ST18: variants seen among roughly 807,000 people sequenced by gnomAD.
The protein encoded by ST18 is ST18 C2H2C-type zinc finger transcription factor, also known as suppression of tumorigenicity 18 protein.
Under a neutral mutation model 110.0 loss-of-function variants are expected in ST18, and 50 were observed. That is an observed-to-expected ratio of 0.45 (90% CI 0.36 to 0.58). ST18 has a LOEUF of 0.58. Ranked by LOEUF, ST18 falls within the 20% of genes least tolerant of loss-of-function variation. The probability of loss-of-function intolerance (pLI) is 0.00; values close to 1 mark genes in which losing one functional copy is unlikely to be tolerated. For synonymous variants in ST18, 461 were observed against 452.4 expected (o/e 1.02, Z -0.24); for missense variants, 1,306 against 1,280.1 (o/e 1.02, Z -0.31).
At chr8:52,202,056 T>G (rs1588346706) in intron 8 of ST18, among the ~76,000 whole-genome samples, 1 of 152,308 alleles carries the variant, frequency 6.6e-6, no homozygotes, top group East Asian at 1.9e-4. Context: ...GCCTTGGTTT[T>G]AAAGGGGCCA....
intron 2 of ST18, among the ~76,000 whole-genome samples, chr8:52,355,487 A>G (rs886332296): frequency 6.6e-6 from 1 of 152,226 alleles, no homozygotes; most frequent in Non-Finnish European, 1.5e-5. Flanking sequence ...AAAGATTACT[A>G]AAAAAGGAGA....
intron 2 of ST18, among the ~76,000 whole-genome samples, chr8:52,319,604 C>T (rs1461048626): frequency 1.3e-5 from 2 of 152,106 alleles, no homozygotes; most frequent in East Asian, 3.9e-4. Flanking sequence ...GTTACTAGTG[C>T]TGTGTGGCAA....
At chr8:52,297,787 C>T (rs927028906) in intron 2 of ST18, among the ~76,000 whole-genome samples, 7 of 152,036 alleles carry the variant, frequency 4.6e-5, no homozygotes, top group African/African-American at 9.7e-5. Context: ...AAGTCACATA[C>T]GAAGAAAGCC....
chr8:52,282,074 G>A (rs1024669428), intron 2 of ST18, among the ~76,000 whole-genome samples: 1 of 152,116 alleles, frequency 6.6e-6, no homozygotes, highest in Non-Finnish European at 1.5e-5. Flanking sequence ...TAAGCTCTCT[G>A]GAACTTCTTT....
chr8:52,348,745 C>G (rs1466533093), intron 2 of ST18, among the ~76,000 whole-genome samples: 1 of 151,464 alleles, frequency 6.6e-6, no homozygotes, highest in Non-Finnish European at 1.5e-5. Flanking sequence ...AACTCCACCT[C>G]AAAAAAAATT....
chr8:52,207,569 C>A (rs2080542503), intron 8 of ST18, among the ~76,000 whole-genome samples: 1 of 152,078 alleles, frequency 6.6e-6, no homozygotes, highest in Admixed American at 6.6e-5. Flanking sequence ...CATTTTAAAA[C>A]TTACAGGAAA....
In ST18 at chr8:52,191,451, T is replaced by C. The variant is rs114243854; in HGVS notation, c.87-11139A>G. ...TGAGATGGAAGGTCCAAAATTCGGC[T>C]GAAACAAGTCTAGTGGGAACAAGCA... On this transcript the variant is annotated intron_variant, in intron 8 of 25. Coordinates refer to ENST00000689386, the MANE Select transcript of ST18 (RefSeq NM_001352837.2). Among the ~76,000 whole-genome samples the C allele has an allele frequency of 5.5e-3, 840 of 152,200 alleles. 8 individuals are homozygous for C. Among genetic ancestry groups the C allele is most frequent in the African/African-American group, 0.02 (820 of 41,506 alleles).
intron 15 of ST18, 44 bp downstream of exon 15, chr8:52,158,854 A>G: frequency 6.2e-7 from 1 of 1,606,072 alleles, no homozygotes; most frequent in South Asian, 1.1e-5. Context: ...TTATTCTCAC[A>G]GTTCAGTCGC....
chr8:52,251,718 A>G (rs1299902973), intron 2 of ST18, among the ~76,000 whole-genome samples: 1 of 152,062 alleles, frequency 6.6e-6, no homozygotes, highest in Non-Finnish European at 1.5e-5. Context: ...CCTTTTTTCC[A>G]AATGAATTAA....
At chr8:52,353,348 T>C (rs1821232026) in intron 2 of ST18, among the ~76,000 whole-genome samples, 1 of 152,208 alleles carries the variant, frequency 6.6e-6, no homozygotes, top group Non-Finnish European at 1.5e-5. Context: ...CCACCATAAA[T>C]AATGTAGTGC....
intron 2 of ST18, among the ~76,000 whole-genome samples, chr8:52,388,816 G>C (rs1317733434): frequency 7.6e-6 from 1 of 130,740 alleles, no homozygotes; most frequent in Admixed American, 8.0e-5. Flanking sequence ...GGACTGTTGT[G>C]GGGTGGGGGG....
chr8:52,301,228 T>C (rs2095716076), intron 2 of ST18, among the ~76,000 whole-genome samples: 1 of 152,164 alleles, frequency 6.6e-6, no homozygotes, highest in Non-Finnish European at 1.5e-5. Flanking sequence ...AGGAAAAAAT[T>C]AGAAAAACAA....
chr8:52,169,841 C>T (rs1430098557), intron 10 of ST18, among the ~76,000 whole-genome samples: 1 of 152,144 alleles, frequency 6.6e-6, no homozygotes, highest in East Asian at 1.9e-4. Flanking sequence ...GAGGCTGCCC[C>T]CATGCCTCAG....
In ST18 at chr8:52,267,708, G is replaced by GA. The variant is rs944931798; in HGVS notation, c.-464-37632dup. ...AGTGTTATACGTTTCCTTTGCTACA[G>GA]AAAAAATGTTAAGCACAGAAAAAAT... On this transcript the variant is annotated intron_variant, in intron 2 of 25. Transcript: ENST00000689386. Among the ~76,000 whole-genome samples, 11 of 150,532 alleles carry GA rather than the reference G, an allele frequency of 7.3e-5. 1 individual carries two copies. The highest frequency in any genetic ancestry group is 5.8e-4 in the East Asian group (3 of 5,178).
chr8:52,258,645 A>C (rs752236301), intron 2 of ST18, among the ~76,000 whole-genome samples: 3 of 152,164 alleles, frequency 2.0e-5, no homozygotes, highest in Non-Finnish European at 2.9e-5. Context: ...CTAAATACAA[A>C]TCTGTATGAA....
At chr8:52,275,478 A>G (rs972996210) in intron 2 of ST18, among the ~76,000 whole-genome samples, 1 of 152,212 alleles carries the variant, frequency 6.6e-6, no homozygotes, top group Admixed American at 6.5e-5. Context: ...TGCAAATTCA[A>G]TCCATCACAG....
At chr8:52,369,154 T>A (rs567225743) in intron 2 of ST18, among the ~76,000 whole-genome samples, 2 of 152,340 alleles carry the variant, frequency 1.3e-5, no homozygotes, top group South Asian at 4.1e-4. Context: ...GAAAATTATA[T>A]TTCTATGATG....
chr8:52,292,158 C>A (rs954675019), intron 2 of ST18, among the ~76,000 whole-genome samples: 10 of 152,234 alleles, frequency 6.6e-5, no homozygotes, highest in Non-Finnish European at 1.0e-4. Flanking sequence ...CATATGCTCA[C>A]TGATACCACT....
chr8:52,392,030 T>C (rs761221329), intron 2 of ST18, among the ~76,000 whole-genome samples: 11 of 152,212 alleles, frequency 7.2e-5, no homozygotes, highest in Non-Finnish European at 1.5e-4. Flanking sequence ...AATGACTAGC[T>C]GTTTAACCTC....
Sources: gnomAD v4.1 joint callset for allele counts (sites outside exome capture counted in the v4.1 genomes callset) on GRCh38, gnomAD v4.1.1 for gene constraint, MANE v1.5 for transcripts, NCBI Gene and HGNC (gene_info 2026-07-23, HGNC 2026-07-21) for gene names.